CLTCL1: variants seen among roughly 807,000 people sequenced by gnomAD.
CLTCL1 encodes clathrin heavy chain 2.
Under a neutral mutation model 190.0 loss-of-function variants are expected in CLTCL1, and 159 were observed. That is an observed-to-expected ratio of 0.84 (90% CI 0.74 to 0.95). The LOEUF (loss-of-function observed/expected upper bound fraction) is 0.95. CLTCL1 is among the 40% of genes least tolerant of loss of function. The probability of loss-of-function intolerance (pLI) is 0.00; values close to 1 mark genes in which losing one functional copy is unlikely to be tolerated. For missense variants in CLTCL1, 1,878 were observed against 2,033.4 expected (o/e 0.92, Z 1.47); for synonymous variants, 752 against 769.6 (o/e 0.98, Z 0.38).
chr22:19,210,437 G>A lies in CLTCL1; in HGVS notation c.3138C>T (p.Arg1046=). The A allele has an allele frequency of 3.1e-6, 5 of 1,613,980 alleles. No individual in the cohort carries two copies. The highest frequency in any genetic ancestry group is 1.1e-5 in the South Asian group (1 of 91,076). The change falls in exon 20 of 33, where the codon CGC becomes CGT. Residue 1046 remains arginine (R), a synonymous_variant. Transcript: ENST00000427926. ...TGTCCAGTGCGTCATAGTTGTCCAG[G>A]CGGCTGATGTACTCCATGACCCGTG... ...DRTRVMEYIS[R]LDNYDALDIA... is the part of the protein sequence containing the mutation.
rs782168987 is a variant in CLTCL1 at position 19,282,869 on chromosome 22, TC to T, written c.43-7040del. Among the ~76,000 whole-genome samples the T allele has an allele frequency of 2.7e-5, 4 of 150,276 alleles. No individual in the cohort carries two copies. In the South Asian group the frequency reaches 8.4e-4, roughly 32 times the overall value. ...AAGCCAGGTTTTTTCTTTCTTTCTT[TC>T]CTTTTTTTTTTTTTTTTAGACAGAG... On this transcript the variant is annotated intron_variant, in intron 1 of 32. Coordinates refer to ENST00000427926, the MANE Select transcript of CLTCL1 (RefSeq NM_007098.4).
At chr22:19,180,126 G>A (rs1052129308) in intron 32 of CLTCL1, 73 bp downstream of exon 32, 19 of 1,342,958 alleles carry the variant, frequency 1.4e-5, no homozygotes, top group Middle Eastern at 3.6e-4. Context: ...GCATCCAGAG[G>A]CAAGGAGCGT....
chr22:19,265,201 T>C (rs2087081862), intron 2 of CLTCL1, among the ~76,000 whole-genome samples: 1 of 152,254 alleles, frequency 6.6e-6, no homozygotes, highest in Non-Finnish European at 1.5e-5. Flanking sequence ...GTTTAAACTA[T>C]ATAAATTTAT....
At chr22:19,214,219 G>C (rs2085317263) in intron 19 of CLTCL1, among the ~76,000 whole-genome samples, 1 of 152,138 alleles carries the variant, frequency 6.6e-6, no homozygotes, top group Non-Finnish European at 1.5e-5. Flanking sequence ...TTCCCAGCAG[G>C]GGCACGTCAG....
chr22:19,272,643 G>A (rs1298619325), intron 2 of CLTCL1, among the ~76,000 whole-genome samples: 1 of 151,968 alleles, frequency 6.6e-6, no homozygotes, highest in Non-Finnish European at 1.5e-5. Context: ...GCTAATTTTT[G>A]TATTTTTAGT....
intron 3 of CLTCL1, among the ~76,000 whole-genome samples, chr22:19,244,342 G>A (rs1462926999): frequency 6.6e-6 from 1 of 152,206 alleles, no homozygotes. Context: ...AGGCATGAAA[G>A]GCTGCATATT....
chr22:19,268,310 T>C (rs568005439), intron 2 of CLTCL1, among the ~76,000 whole-genome samples: 2 of 152,304 alleles, frequency 1.3e-5, no homozygotes, highest in East Asian at 3.9e-4. Flanking sequence ...TCCAGAACTA[T>C]GAGAAATAAA....
intron 1 of CLTCL1, among the ~76,000 whole-genome samples, chr22:19,290,099 C>G (rs1555992467): frequency 3.3e-5 from 5 of 152,236 alleles, no homozygotes; most frequent in African/African-American, 1.2e-4. Context: ...CATATCAACT[C>G]TGATGGACAT....
At chr22:19,278,774 C>T (rs1325799200) in intron 1 of CLTCL1, among the ~76,000 whole-genome samples, 1 of 152,216 alleles carries the variant, frequency 6.6e-6, no homozygotes, top group Non-Finnish European at 1.5e-5. Flanking sequence ...CGGAGTCTAG[C>T]CCTGTCCCCC....
At chr22:19,253,605 G>C (rs995074815) in intron 3 of CLTCL1, among the ~76,000 whole-genome samples, 2 of 152,152 alleles carry the variant, frequency 1.3e-5, no homozygotes, top group African/African-American at 4.8e-5. Context: ...TAGTTAATAG[G>C]CCAAAGGTAA....
intron 2 of CLTCL1, among the ~76,000 whole-genome samples, chr22:19,266,867 A>T (rs1229623716): frequency 2.0e-5 from 3 of 152,138 alleles, no homozygotes; most frequent in Admixed American, 6.5e-5. Flanking sequence ...GGATTTATCT[A>T]CCCCAAATCC....
intron 26 of CLTCL1, among the ~76,000 whole-genome samples, chr22:19,194,231 A>G (rs2084619821): frequency 6.6e-6 from 1 of 152,198 alleles, no homozygotes; most frequent in Non-Finnish European, 1.5e-5. Context: ...ACCCGACCCA[A>G]GAAGTCCAGG....
At chr22:19,195,227 T>C (rs2084657080) in intron 26 of CLTCL1, among the ~76,000 whole-genome samples, 1 of 152,092 alleles carries the variant, frequency 6.6e-6, no homozygotes, top group African/African-American at 2.4e-5. Context: ...CACAGTAAGG[T>C]ATGACCTGGC....
intron 21 of CLTCL1, 39 bp from the exon 22 acceptor site, chr22:19,208,350 A>T (rs1285026341): frequency 6.2e-7 from 1 of 1,602,632 alleles, no homozygotes; most frequent in Non-Finnish European, 8.5e-7. Context: ...CCCAGAGCTG[A>T]TAATTTTAAA....
At chr22:19,195,473 G>A (rs1707916765) in intron 26 of CLTCL1, among the ~76,000 whole-genome samples, 1 of 152,196 alleles carries the variant, frequency 6.6e-6, no homozygotes, top group South Asian at 2.1e-4. Flanking sequence ...GCCGCATGTG[G>A]AAAAGAGGTG....
intron 2 of CLTCL1, among the ~76,000 whole-genome samples, chr22:19,260,857 C>T (rs976344406): frequency 6.8e-6 from 1 of 147,842 alleles, no homozygotes; most frequent in African/African-American, 2.5e-5. Context: ...AAACAAGAGT[C>T]GTGATGATAG....
At chr22:19,264,065 C>T (rs536788511) in intron 2 of CLTCL1, among the ~76,000 whole-genome samples, 18 of 151,952 alleles carry the variant, frequency 1.2e-4, no homozygotes, top group Non-Finnish European at 2.4e-4. Flanking sequence ...GAAGCTGAGA[C>T]GGGATGATCA....
intron 19 of CLTCL1, among the ~76,000 whole-genome samples, chr22:19,215,595 T>C (rs1265128519): frequency 1.3e-5 from 2 of 151,986 alleles, no homozygotes; most frequent in African/African-American, 2.4e-5. Context: ...CTCACCTCTA[T>C]AGTGCCGGTC....
At position 19,234,676 on chromosome 22, in the gene CLTCL1, T is replaced by C. The variant is rs923557132; in HGVS notation, c.1000A>G (p.Ile334Val). The change falls in exon 7 of 33, where the codon ATT becomes GTT. Residue 334 changes from isoleucine (I) to valine (V), a missense_variant. By Grantham distance (29) the Ile-to-Val change is conservative. Transcript: ENST00000427926. ...VLSVCVEEDNIVNYATNVLQN... is the reference protein window; with the variant it reads ...VLSVCVEEDNVVNYATNVLQN... ...AGCACGTTGGTTGCATAATTCACAA[T>C]GTTATCTTCCTCAACACAAACTGAC... is the stretch of plus-strand genomic sequence containing the variant. 3.7e-6 allele frequency: 6 copies of C among 1,614,024 alleles called. No homozygotes were observed. The African/African-American group carries it at 6.7e-5, about 18-fold the overall frequency.
Sources: gnomAD v4.1 joint callset for allele counts (sites outside exome capture counted in the v4.1 genomes callset) on GRCh38, gnomAD v4.1.1 for gene constraint, MANE v1.5 for transcripts, NCBI Gene and HGNC (gene_info 2026-07-23, HGNC 2026-07-21) for gene names.